The following PKNOX2 variants were observed in gnomAD, a reference collection of about 807,000 sequenced individuals.
PKNOX2 encodes homeobox protein PKNOX2.
A neutral mutation model predicts 53.1 loss-of-function variants in PKNOX2; 14 were observed. That is an observed-to-expected ratio of 0.26 (90% CI 0.17 to 0.41). The LOEUF is 0.41. Among genes scored for constraint, PKNOX2 ranks in the 10% least tolerant of loss-of-function variants. PKNOX2 has a pLI of 1.00. For synonymous variants in PKNOX2, 257 were observed against 242.8 expected (o/e 1.06, Z -0.54); for missense variants, 496 against 602.8 (o/e 0.82, Z 1.85).
chr11:125,197,357 C>T (rs1001066109), intron 1 of PKNOX2, among the ~76,000 whole-genome samples: 5 of 152,132 alleles, frequency 3.3e-5, no homozygotes, highest in Non-Finnish European at 7.4e-5. Flanking sequence ...GCTTGTGCCC[C>T]GGGACTGCCC....
At chr11:125,237,476 A>G (rs1942802251) in intron 2 of PKNOX2, among the ~76,000 whole-genome samples, 1 of 152,234 alleles carries the variant, frequency 6.6e-6, no homozygotes, top group Non-Finnish European at 1.5e-5. Flanking sequence ...TAGAGAATAC[A>G]GTCTACCACA....
intron 1 of PKNOX2, among the ~76,000 whole-genome samples, chr11:125,222,709 C>T (rs574664065): frequency 1.6e-5 from 2 of 126,892 alleles, no homozygotes; most frequent in Non-Finnish European, 3.3e-5. Context: ...TGTGTGTGTG[C>T]TGTGTATGTG....
chr11:125,242,374 T>C (rs1003423361), intron 2 of PKNOX2, among the ~76,000 whole-genome samples: 4 of 152,166 alleles, frequency 2.6e-5, no homozygotes, highest in Non-Finnish European at 4.4e-5. Flanking sequence ...CACCCATCCA[T>C]CCTTACTGGA....
intron 2 of PKNOX2, among the ~76,000 whole-genome samples, chr11:125,295,257 G>A (rs1048079543): frequency 6.6e-6 from 1 of 152,242 alleles, no homozygotes; most frequent in Admixed American, 6.5e-5. Context: ...AAAGTTGAAG[G>A]AGGGGGAAGG....
intron 2 of PKNOX2, among the ~76,000 whole-genome samples, chr11:125,255,165 G>A (rs551420069): frequency 3.9e-5 from 6 of 152,338 alleles, no homozygotes; most frequent in South Asian, 2.1e-4. Flanking sequence ...TGGTTAGTGC[G>A]CTTAGCAGGA....
intron 1 of PKNOX2, among the ~76,000 whole-genome samples, chr11:125,167,590 C>G (rs991296402): frequency 2.1e-4 from 32 of 152,208 alleles, no homozygotes; most frequent in African/African-American, 7.2e-4. Flanking sequence ...GAGATGGGCC[C>G]GACCACCGCT....
At chr11:125,246,315 A>T (rs1591494620) in intron 2 of PKNOX2, among the ~76,000 whole-genome samples, 2 of 152,218 alleles carry the variant, frequency 1.3e-5, no homozygotes, top group African/African-American at 4.8e-5. Context: ...AGGGACTGGG[A>T]CACATTCCTG....
chr11:125,243,571 G>C (rs566687366), intron 2 of PKNOX2, among the ~76,000 whole-genome samples: 1 of 151,654 alleles, frequency 6.6e-6, no homozygotes, highest in African/African-American at 2.4e-5. Flanking sequence ...AGGCACCCAG[G>C]TTACCAAGTT....
intron 2 of PKNOX2, among the ~76,000 whole-genome samples, chr11:125,321,167 A>G (rs568688823): frequency 6.6e-5 from 10 of 152,348 alleles, no homozygotes; most frequent in African/African-American, 2.2e-4. Context: ...GGTGTCTAAA[A>G]GTGGAATCTG....
intron 5 of PKNOX2, among the ~76,000 whole-genome samples, chr11:125,378,619 G>A (rs572289108): frequency 7.1e-4 from 108 of 152,352 alleles, no homozygotes; most frequent in Middle Eastern, 6.8e-3. Context: ...AAAGGAGGTG[G>A]ATGGCCCAGG....
chr11:125,380,558 G>A (rs1465106809), intron 5 of PKNOX2, among the ~76,000 whole-genome samples: 3 of 152,194 alleles, frequency 2.0e-5, no homozygotes, highest in South Asian at 2.1e-4. Flanking sequence ...ATCGACACTC[G>A]GCACTGGACA....
intron 2 of PKNOX2, among the ~76,000 whole-genome samples, chr11:125,255,219 C>T (rs1944323771): frequency 6.6e-6 from 1 of 152,216 alleles, no homozygotes. Flanking sequence ...AATGCATACC[C>T]AGGACTCAGA....
In PKNOX2 at chr11:125,430,065, C is replaced by G. The variant is rs1956622791; in HGVS notation, c.1116C>G (p.Thr372=). The G allele has an allele frequency of 3.1e-6, 5 of 1,614,060 alleles. No individual in the cohort carries two copies. Among genetic ancestry groups the G allele is most frequent in the Non-Finnish European group, 4.2e-6 (5 of 1,180,042 alleles). Residue 372 remains threonine, a synonymous_variant, in exon 12 of 13, where the codon ACC becomes ACG. Coordinates refer to ENST00000298282, the MANE Select transcript of PKNOX2 (RefSeq NM_001382323.2). ...AKKIKSQHRP[T]QRFWPNSIAA... ...AGATCAAGTCTCAGCACCGGCCCAC[C>G]CAAAGATTCTGGCCCAACTCCATCG...
At chr11:125,381,146 G>A (rs1032982803) in intron 5 of PKNOX2, among the ~76,000 whole-genome samples, 1 of 152,208 alleles carries the variant, frequency 6.6e-6, no homozygotes, top group Non-Finnish European at 1.5e-5. Context: ...TGGGCCAGGT[G>A]GATGGAGCAT....
intron 6 of PKNOX2, among the ~76,000 whole-genome samples, chr11:125,396,035 C>T (rs182973533): frequency 2.6e-5 from 4 of 151,348 alleles, no homozygotes; most frequent in East Asian, 2.0e-4. Context: ...CTCACTGTAA[C>T]GTCCACCTCC....
intron 1 of PKNOX2, among the ~76,000 whole-genome samples, chr11:125,205,006 C>G (rs897180452): frequency 6.6e-6 from 1 of 152,178 alleles, no homozygotes; most frequent in Non-Finnish European, 1.5e-5. Flanking sequence ...GGTTGTTGAC[C>G]CTTGGAAGGT....
chr11:125,244,463 T>C (rs536258229), intron 2 of PKNOX2, among the ~76,000 whole-genome samples: 104 of 152,282 alleles, frequency 6.8e-4, no homozygotes, highest in African/African-American at 2.4e-3. Flanking sequence ...TGGCAAAGAA[T>C]CTGCTATAAA....
intron 2 of PKNOX2, among the ~76,000 whole-genome samples, chr11:125,306,268 G>T (rs1948449081): frequency 6.6e-6 from 1 of 151,670 alleles, no homozygotes; most frequent in Non-Finnish European, 1.5e-5. Context: ...TTGCCAATTT[G>T]GTCGGTTGCT....
intron 7 of PKNOX2, among the ~76,000 whole-genome samples, chr11:125,399,454 C>G (rs1954606450): frequency 6.6e-6 from 1 of 152,176 alleles, no homozygotes; most frequent in Non-Finnish European, 1.5e-5. Flanking sequence ...GCTGCGCAGT[C>G]CCGGTGATGG....
Sources: gnomAD v4.1 joint callset for allele counts (sites outside exome capture counted in the v4.1 genomes callset) on GRCh38, gnomAD v4.1.1 for gene constraint, MANE v1.5 for transcripts, NCBI Gene and HGNC (gene_info 2026-07-23, HGNC 2026-07-21) for gene names.